GRAMD1B: variants seen among roughly 807,000 people sequenced by gnomAD.
GRAMD1B encodes protein Aster-B.
In GRAMD1B, 37 loss-of-function variants were observed where a neutral mutation model predicts 99.7. The observed-to-expected ratio is 0.37, with a 90% confidence interval of 0.29 to 0.49. GRAMD1B has a LOEUF of 0.49. GRAMD1B is among the 20% of genes least tolerant of loss of function. The pLI, the probability that GRAMD1B is intolerant of heterozygous loss-of-function variation, is 0.98. For synonymous variants in GRAMD1B, 427 were observed against 387.6 expected (o/e 1.10, Z -1.19); for missense variants, 888 against 1,009.2 (o/e 0.88, Z 1.63).
intron 2 of GRAMD1B, chr11:123,560,520 T>G: frequency 7.9e-7 from 1 of 1,266,958 alleles, no homozygotes; most frequent in Non-Finnish European, 1.0e-6. Flanking sequence ...TTTGGGATGG[T>G]CATGGAGGTG....
chr11:123,417,202 G>T (rs540408136), intron 1 of GRAMD1B, among the ~76,000 whole-genome samples: 2 of 152,042 alleles, frequency 1.3e-5, no homozygotes, highest in East Asian at 3.9e-4. Context: ...GTGAAACCCC[G>T]TCTCTACTAA....
intron 4 of GRAMD1B, 54 bp downstream of exon 4, chr11:123,584,386 T>A: frequency 1.0e-6 from 1 of 983,568 alleles, no homozygotes; most frequent in Non-Finnish European, 1.5e-6. Context: ...GGAGGGGGAA[T>A]GGAGGTTGGG....
chr11:123,480,204 G>A (rs1254677476), intron 1 of GRAMD1B, among the ~76,000 whole-genome samples: 1 of 152,180 alleles, frequency 6.6e-6, no homozygotes, highest in Non-Finnish European at 1.5e-5. Flanking sequence ...GCCTTAAGGT[G>A]TGGAGAGTCC....
At chr11:123,384,060 G>A (rs563640773) in intron 1 of GRAMD1B, among the ~76,000 whole-genome samples, 4 of 152,054 alleles carry the variant, frequency 2.6e-5, no homozygotes, top group African/African-American at 9.6e-5. Context: ...TAGTAGAGAT[G>A]GGGTTTACCA....
chr11:123,372,377 A>G (rs1479351517), intron 1 of GRAMD1B, among the ~76,000 whole-genome samples: 1 of 152,228 alleles, frequency 6.6e-6, no homozygotes, highest in East Asian at 1.9e-4. Context: ...CAGATGAAGA[A>G]AAAGAGACCA....
intron 1 of GRAMD1B, among the ~76,000 whole-genome samples, chr11:123,399,598 C>T (rs1440096621): frequency 7.0e-6 from 1 of 143,398 alleles, no homozygotes; most frequent in Admixed American, 7.1e-5. Flanking sequence ...CATACCAACA[C>T]TTACCTTTTG....
intron 1 of GRAMD1B, among the ~76,000 whole-genome samples, chr11:123,382,339 C>T (rs981112842): frequency 1.3e-5 from 2 of 152,128 alleles, no homozygotes; most frequent in Non-Finnish European, 2.9e-5. Flanking sequence ...CACTTCTCCC[C>T]ACTTCTGTAC....
chr11:123,447,568 G>T (rs1469164708), intron 1 of GRAMD1B, among the ~76,000 whole-genome samples: 1 of 152,172 alleles, frequency 6.6e-6, no homozygotes, highest in Non-Finnish European at 1.5e-5. Context: ...GGCAGCATGG[G>T]TTGGAGGCTC....
chr11:123,605,143 G>T (rs535341369), intron 9 of GRAMD1B, among the ~76,000 whole-genome samples, 179 bp from the exon 10 acceptor site: 6 of 152,152 alleles, frequency 3.9e-5, no homozygotes, highest in Non-Finnish European at 8.8e-5. Flanking sequence ...GGATATGAAG[G>T]AGATTTCAGA....
chr11:123,437,101 G>A (rs1390143780), intron 1 of GRAMD1B, among the ~76,000 whole-genome samples: 1 of 152,146 alleles, frequency 6.6e-6, no homozygotes, highest in African/African-American at 2.4e-5. Context: ...TTTTATGGCT[G>A]CATAGTATTC....
chr11:123,530,265 G>A (rs941615443), intron 2 of GRAMD1B, among the ~76,000 whole-genome samples: 1 of 150,968 alleles, frequency 6.6e-6, no homozygotes, highest in Admixed American at 6.6e-5. Flanking sequence ...TTATTTGATA[G>A]TAAATGTCAG....
chr11:123,621,935 C>T (rs201751001), intron 19 of GRAMD1B, among the ~76,000 whole-genome samples: 19 of 37,898 alleles, frequency 5.0e-4, no homozygotes, highest in Admixed American at 2.9e-3. Context: ...TTCCTTCCTT[C>T]CTTTCTCTCT....
At chr11:123,479,951 T>C (rs995065176) in intron 1 of GRAMD1B, among the ~76,000 whole-genome samples, 1 of 152,086 alleles carries the variant, frequency 6.6e-6, no homozygotes, top group African/African-American at 2.4e-5. Flanking sequence ...AACACGTGGC[T>C]CTAGATTGAG....
At chr11:123,430,179 C>T (rs904185793), upstream of GRAMD1B, among the ~76,000 whole-genome samples, 8 of 152,098 alleles carry the variant, frequency 5.3e-5, no homozygotes, top group South Asian at 4.1e-4. Context: ...CAGTGCTAGC[C>T]CATTCAGGAT....
At chr11:123,423,262 A>ACC (rs1309354480) in intron 1 of GRAMD1B, among the ~76,000 whole-genome samples, 1 of 151,256 alleles carries the variant, frequency 6.6e-6, no homozygotes, top group Non-Finnish European at 1.5e-5. Flanking sequence ...ACACACACAC[A>ACC]CACAGATTAA....
intron 1 of GRAMD1B, among the ~76,000 whole-genome samples, chr11:123,392,088 C>A (rs558172640): frequency 2.3e-4 from 35 of 152,176 alleles, no homozygotes; most frequent in African/African-American, 8.4e-4. Flanking sequence ...GGGGGAAGAG[C>A]ATGCAATCAG....
Position 123,491,648 on chromosome 11 carries a change from C to G in GRAMD1B, c.452+10755C>G, listed in dbSNP as rs138694660. 1.5e-3 allele frequency: 563 copies of G among 377,916 alleles called. 8 individuals carry two copies. The highest frequency in any genetic ancestry group is 0.011 in the African/African-American group (530 of 48,278). The allele number at this position is 377,916 out of a possible 1,614,324, so 23.4% of individuals were successfully genotyped here. A position where few individuals can be genotyped will look rare whatever the true frequency, so the allele number is the denominator to read the frequency against. On this transcript the variant is annotated intron_variant, in intron 2 of 19. Transcript: ENST00000635736. ...GGAGGCAGAGGGGATCTCGGTAACG[C>G]AGGACCCCAGGCTTGCCCACCCTGG... is the stretch of plus-strand genomic sequence containing the variant.
At chr11:123,508,874 G>A (rs924259594) in intron 2 of GRAMD1B, among the ~76,000 whole-genome samples, 11 of 152,136 alleles carry the variant, frequency 7.2e-5, no homozygotes, top group South Asian at 2.1e-4. Flanking sequence ...TAGTAGAGAC[G>A]GAGTTTTATT....
At position 123,371,660 on chromosome 11, in the gene GRAMD1B, T is replaced by C. The variant is rs539614623; in HGVS notation, c.-176+12861T>C. 7.9e-5 allele frequency among the ~76,000 whole-genome samples: 12 copies of C among 152,360 alleles called. No individual in the cohort carries two copies. The South Asian group carries it at 2.3e-3, about 29-fold the overall frequency. On this transcript the variant is annotated intron_variant, in intron 1 of 20. Transcript: ENST00000638157. Reference sequence around the variant, plus strand: ...TTCACCACACAGACACATGCTTTTTTACAAGTGTTGTCACCAGGTGCCAGG... The same window carrying C: ...TTCACCACACAGACACATGCTTTTTCACAAGTGTTGTCACCAGGTGCCAGG...
Sources: gnomAD v4.1 joint callset for allele counts (sites outside exome capture counted in the v4.1 genomes callset) on GRCh38, gnomAD v4.1.1 for gene constraint, MANE v1.5 for transcripts, NCBI Gene and HGNC (gene_info 2026-07-23, HGNC 2026-07-21) for gene names.